GTF3C1: variants seen among roughly 807,000 people sequenced by gnomAD.
GTF3C1 encodes the protein general transcription factor IIIC subunit 1, also known as general transcription factor 3C polypeptide 1.
In GTF3C1, 57 loss-of-function variants were observed where a neutral mutation model predicts 226.7. The observed-to-expected ratio is 0.25, with a 90% CI of 0.20 to 0.31. GTF3C1 has a LOEUF of 0.31. GTF3C1 is among the 10% of genes least tolerant of loss of function. The pLI, the probability that GTF3C1 is intolerant of heterozygous loss-of-function variation, is 1.00. For missense variants in GTF3C1, 2,217 were observed against 2,776.1 expected (o/e 0.80, Z 4.53); for synonymous variants, 1,090 against 1,084.8 (o/e 1.00, Z -0.09).
intron 6 of GTF3C1, among the ~76,000 whole-genome samples, chr16:27,528,263 T>G (rs991830136): frequency 6.6e-6 from 1 of 151,970 alleles, no homozygotes; most frequent in Non-Finnish European, 1.5e-5. Flanking sequence ...AAAGCGAGAC[T>G]GCCTCAAAAA....
At chr16:27,510,758 C>T (rs1268901234) in intron 7 of GTF3C1, among the ~76,000 whole-genome samples, 6 of 152,168 alleles carry the variant, frequency 3.9e-5, no homozygotes, top group African/African-American at 1.2e-4. Context: ...GCCTGTGACA[C>T]TAGGCCACTG....
rs2088495624 is a variant in GTF3C1, at chr16:27,506,989, G to A, written c.1410C>T (p.Gly470=). ...CCGACTCAGAGAGGAAGGTGTCCTCGCCTTCAGGCAGAAGCGACTCCTCCT... is the reference window on the plus strand; with the variant it reads ...CCGACTCAGAGAGGAAGGTGTCCTCACCTTCAGGCAGAAGCGACTCCTCCT... ...SMQEESLLPE[G]EDTFLSESDS... The change falls in exon 9 of 37, where the codon GGC becomes GGT. Residue 470 remains glycine, a synonymous_variant. Coordinates refer to ENST00000356183, the MANE Select transcript of GTF3C1 (RefSeq NM_001520.4). 3 of 1,613,456 alleles carry A rather than the reference G, an allele frequency of 1.9e-6. No homozygotes were observed. Among genetic ancestry groups the A allele is most frequent in the African/African-American group, 1.3e-5 (1 of 74,946 alleles).
intron 14 of GTF3C1, 104 bp from the exon 15 acceptor site, chr16:27,495,596 A>G (rs986216434): frequency 5.9e-6 from 6 of 1,010,180 alleles, no homozygotes; most frequent in Non-Finnish European, 8.8e-6. Flanking sequence ...AGGGGCCAGA[A>G]AGATGGCAAA....
intron 1 of GTF3C1, among the ~76,000 whole-genome samples, chr16:27,547,287 C>A (rs1596668797): frequency 6.6e-6 from 1 of 152,230 alleles, no homozygotes; most frequent in Admixed American, 6.5e-5. Flanking sequence ...GAATGACTCA[C>A]AGATGTCTAG....
Position 27,544,048 on chromosome 16 carries a change from C to T in GTF3C1, c.431+1266G>A, listed in dbSNP as rs548086818. 7.2e-5 allele frequency among the ~76,000 whole-genome samples: 11 copies of T among 152,152 alleles called. No homozygotes were observed. In the South Asian group the frequency reaches 1.2e-3, roughly 17 times the overall value. ...TTGAGGTCAAGAGAAGGTTCTGCTG[C>T]GAGATGGGTGAACTGTGTTCATGTG... On this transcript the variant is annotated intron_variant, in intron 2 of 36. Coordinates refer to ENST00000356183, the MANE Select transcript of GTF3C1 (RefSeq NM_001520.4).
chr16:27,507,299 T>C lies in GTF3C1; in HGVS notation c.1243-143A>G. 3.2e-6 allele frequency: 2 copies of C among 625,696 alleles called. No individual in the cohort carries two copies. The highest frequency in any genetic ancestry group is 1.8e-5 in the African/African-American group (1 of 54,532). 38.8% of individuals were successfully genotyped at this position (625,696 alleles called of 1,614,324 possible). On this transcript the variant is annotated intron_variant, in intron 8 of 36. Coordinates refer to ENST00000356183, the MANE Select transcript of GTF3C1 (RefSeq NM_001520.4). The surrounding 1 kb of genome is among the most constrained non-coding windows in gnomAD (Gnocchi z 4.9). ...GCCTGGGCCCTGGGTTGGGCACCAC[T>C]GATGCTCCCTCCAGGCTCTTCCTCT...
At chr16:27,489,372 T>C (rs1160464436) in intron 20 of GTF3C1, among the ~76,000 whole-genome samples, 194 bp from the exon 21 acceptor site, 2 of 152,242 alleles carry the variant, frequency 1.3e-5, no homozygotes, top group Non-Finnish European at 2.9e-5. Flanking sequence ...AAGTCAAAAA[T>C]CCAGATTTTT....
intron 2 of GTF3C1, among the ~76,000 whole-genome samples, chr16:27,541,812 C>T (rs914706473): frequency 8.5e-5 from 13 of 152,120 alleles, no homozygotes; most frequent in Admixed American, 3.9e-4. Flanking sequence ...CACATATAGC[C>T]TGCCGGGACC....
chr16:27,537,460 A>G (rs2089018364), intron 4 of GTF3C1, among the ~76,000 whole-genome samples: 1 of 152,182 alleles, frequency 6.6e-6, no homozygotes, highest in Admixed American at 6.5e-5. Flanking sequence ...CCCAGGCTGG[A>G]GTATAGCAGT....
At chr16:27,474,991 T>G (rs1163401580) in intron 29 of GTF3C1, among the ~76,000 whole-genome samples, 2 of 152,240 alleles carry the variant, frequency 1.3e-5, no homozygotes, top group Non-Finnish European at 2.9e-5. Flanking sequence ...GGTCTGGCCA[T>G]GGCCGTTAAA....
At chr16:27,472,270 C>G (rs2087886334) in intron 29 of GTF3C1, among the ~76,000 whole-genome samples, 1 of 152,208 alleles carries the variant, frequency 6.6e-6, no homozygotes, top group South Asian at 2.1e-4. Context: ...ACCACTCTGT[C>G]CCTTGGCCTC....
chr16:27,462,845 GCGTGACCCTGAAGCTCTGCTCCA>G lies in GTF3C1; in HGVS notation c.5925-382_5925-360del. On this transcript the variant is annotated intron_variant, in intron 35 of 36. Coordinates refer to ENST00000356183, the MANE Select transcript of GTF3C1 (RefSeq NM_001520.4). This position sits in a 1 kb window ranked among gnomAD's most constrained non-coding sequence, Gnocchi z 4.5. ...CCAGGCTGTGGCAAAACTCACGGGA[GCGTGACCCTGAAGCTCTGCTCCA>G]CGCCATGTGCAGAGTTCCAGGCACA... The G allele has an allele frequency of 3.7e-6, 1 of 270,084 alleles. No homozygotes were observed. Among genetic ancestry groups the G allele is most frequent in the Non-Finnish European group, 7.2e-6 (1 of 139,298 alleles). 16.7% of individuals were successfully genotyped at this position (270,084 alleles called of 1,614,324 possible). A position where few individuals can be genotyped will look rare whatever the true frequency, so the allele number is the denominator to read the frequency against.
Position 27,463,424 on chromosome 16 carries a change from C to A in GTF3C1, c.5924+117G>T. 2 of 708,830 alleles carry A rather than the reference C, an allele frequency of 2.8e-6. No individual in the cohort carries two copies. The highest frequency in any genetic ancestry group is 2.5e-6 in the Non-Finnish European group (1 of 394,368). 43.9% of individuals were successfully genotyped at this position (708,830 alleles called of 1,614,324 possible). On this transcript the variant is annotated intron_variant, in intron 35 of 36. Coordinates refer to ENST00000356183, the MANE Select transcript of GTF3C1 (RefSeq NM_001520.4). The surrounding 1 kb of genome is among the most constrained non-coding windows in gnomAD (Gnocchi z 4.9). ...CCCTGCCAAGAACCAAGGTGCCGGG[C>A]AGGCTGTCAGAGCTGGTACCTGGGG...
At chr16:27,482,491 T>C in intron 26 of GTF3C1, 1 of 456,106 alleles carries the variant, frequency 2.2e-6, no homozygotes, top group Non-Finnish European at 4.4e-6. Context: ...GCCATGTACT[T>C]CTCTGTCTGT....
rs2087861559 is a variant in GTF3C1, at chr16:27,471,155, T to G, written c.4526+593A>C. Among the ~76,000 whole-genome samples the G allele has an allele frequency of 6.6e-6, 1 of 152,052 alleles. No homozygotes were observed. The stretch of plus-strand genomic sequence containing the variant: ...GACTGCAGCCCCGTGCAGACCTGAG[T>G]GCGGGGAAGGAGAATGGTGTGAAGG... On this transcript the variant is annotated intron_variant, in intron 30 of 36. Coordinates refer to ENST00000356183, the MANE Select transcript of GTF3C1 (RefSeq NM_001520.4). The surrounding 1 kb of genome is among the most constrained non-coding windows in gnomAD (Gnocchi z 5.0).
chr16:27,475,333 A>G (rs1415077909), intron 29 of GTF3C1, among the ~76,000 whole-genome samples: 6 of 152,210 alleles, frequency 3.9e-5, no homozygotes, highest in Non-Finnish European at 7.3e-5. Flanking sequence ...ATCTGAATTC[A>G]TCGGCGGGAT....
intron 6 of GTF3C1, among the ~76,000 whole-genome samples, chr16:27,524,426 C>T (rs528120259): frequency 2.6e-5 from 4 of 152,276 alleles, no homozygotes; most frequent in Admixed American, 6.5e-5. Context: ...TCTACTGTCA[C>T]CTGTAAGTCT....
At chr16:27,547,494 C>T (rs1010551185) in intron 1 of GTF3C1, among the ~76,000 whole-genome samples, 1 of 152,048 alleles carries the variant, frequency 6.6e-6, no homozygotes, top group African/African-American at 2.4e-5. Flanking sequence ...AATCAGGGTT[C>T]GCTCAGGTGC....
At chr16:27,464,915 C>T in intron 33 of GTF3C1, 79 bp from the exon 34 acceptor site, 2 of 1,219,110 alleles carry the variant, frequency 1.6e-6, no homozygotes, top group Non-Finnish European at 2.2e-6. Context: ...AGTGGAGTGG[C>T]CTCCCCTGAC....
Sources: gnomAD v4.1 joint callset for allele counts (sites outside exome capture counted in the v4.1 genomes callset) on GRCh38, gnomAD v4.1.1 for gene constraint, Gnocchi (gnomAD v3.1) non-coding constraint, MANE v1.5 for transcripts, NCBI Gene and HGNC (gene_info 2026-07-23, HGNC 2026-07-21) for gene names.